Variants in RPH3A observed in about 807,000 individuals in gnomAD.
RPH3A encodes rabphilin 3A.
A neutral mutation model predicts 102.2 loss-of-function variants in RPH3A; 48 were observed. The observed-to-expected ratio is 0.47, with a 90% CI of 0.37 to 0.60. The LOEUF is 0.60. Among genes scored for constraint, RPH3A ranks in the 20% least tolerant of loss-of-function variants. The probability of loss-of-function intolerance (pLI) is 0.00; values close to 1 mark genes in which losing one functional copy is unlikely to be tolerated. For synonymous variants in RPH3A, 310 were observed against 324.3 expected, an observed-to-expected ratio of 0.96 and a Z score of 0.47; for missense variants, 781 against 910.1, an observed-to-expected ratio of 0.86 and a Z score of 1.83.
intron 1 of RPH3A, among the ~76,000 whole-genome samples, chr12:112,719,503 G>A (rs912507095): frequency 9.2e-5 from 14 of 152,152 alleles, no homozygotes; most frequent in Admixed American, 6.5e-4. Context: ...CCCAATAATA[G>A]CGTGCATTGT....
chr12:112,889,959 C>A (rs1351021070), intron 17 of RPH3A, 65 bp from the exon 18 acceptor site: 3 of 1,477,436 alleles, frequency 2.0e-6, no homozygotes, highest in Non-Finnish European at 2.8e-6. Flanking sequence ...GGTTTCTGGT[C>A]CTTCTTGCGC....
rs527393847 is a variant in RPH3A at position 112,895,947 on chromosome 12, C to A, written c.1954+74C>A. On this transcript the variant is annotated intron_variant, in intron 21 of 21. Coordinates refer to ENST00000389385, the MANE Select transcript of RPH3A (RefSeq NM_001143854.2). Reference sequence around the variant, plus strand: ...AACAGGAGAGCCTTATCCAGGGCTACAGAGAGTTGAGGTCATTGCTATTCT... The same window carrying A: ...AACAGGAGAGCCTTATCCAGGGCTAAAGAGAGTTGAGGTCATTGCTATTCT... 6.7e-5 allele frequency: 69 copies of A among 1,026,828 alleles called. 1 individual carries two copies. In the South Asian group the frequency reaches 8.1e-4, roughly 12 times the overall value. 63.6% of individuals were successfully genotyped at this position (1,026,828 alleles called of 1,614,324 possible). A position where few individuals can be genotyped will look rare whatever the true frequency, so the allele number is the denominator to read the frequency against.
At chr12:112,747,853 T>A (rs2040759541) in intron 1 of RPH3A, among the ~76,000 whole-genome samples, 1 of 152,212 alleles carries the variant, frequency 6.6e-6, no homozygotes, top group African/African-American at 2.4e-5. Context: ...GTCCTTACAG[T>A]TATTCATGGA....
At chr12:112,857,653 T>C (rs556984142) in intron 5 of RPH3A, among the ~76,000 whole-genome samples, 10 of 152,326 alleles carry the variant, frequency 6.6e-5, no homozygotes, top group Non-Finnish European at 1.3e-4. Flanking sequence ...CCTTGACCTC[T>C]AGAGCTGTTA....
intron 1 of RPH3A, among the ~76,000 whole-genome samples, chr12:112,775,717 T>A (rs1159920781): frequency 6.6e-6 from 1 of 152,088 alleles, no homozygotes; most frequent in African/African-American, 2.4e-5. Context: ...ACTTCAAATA[T>A]AGCAGTAATC....
chr12:112,750,526 G>T (rs1325458761), intron 1 of RPH3A, among the ~76,000 whole-genome samples: 1 of 152,172 alleles, frequency 6.6e-6, no homozygotes, highest in Non-Finnish European at 1.5e-5. Context: ...GTTGAAGGTT[G>T]CTCCTTAGGT....
chr12:112,662,491 A>G (rs969835049), intron 1 of RPH3A, among the ~76,000 whole-genome samples: 6 of 152,234 alleles, frequency 3.9e-5, no homozygotes, highest in Non-Finnish European at 7.3e-5. Flanking sequence ...AATGAGAAGC[A>G]GTGCTGGCTT....
chr12:112,882,319 C>A (rs1217338265), intron 15 of RPH3A, among the ~76,000 whole-genome samples: 3 of 152,164 alleles, frequency 2.0e-5, no homozygotes, highest in Non-Finnish European at 4.4e-5. Flanking sequence ...AGCTCACCGG[C>A]TGAGCATTGC....
chr12:112,825,014 G>C (rs2041843065), intron 2 of RPH3A, among the ~76,000 whole-genome samples: 1 of 151,612 alleles, frequency 6.6e-6, no homozygotes, highest in African/African-American at 2.4e-5. Flanking sequence ...TACAGTTTCA[G>C]CTTTCTAGAC....
chr12:112,688,202 A>C (rs1425983976), intron 1 of RPH3A, among the ~76,000 whole-genome samples: 1 of 152,220 alleles, frequency 6.6e-6, no homozygotes, highest in Non-Finnish European at 1.5e-5. Context: ...AAATTTTTGA[A>C]TTGAGGTCTA....
chr12:112,700,178 T>G (rs900111253), intron 1 of RPH3A, among the ~76,000 whole-genome samples: 9 of 152,054 alleles, frequency 5.9e-5, no homozygotes, highest in Non-Finnish European at 1.2e-4. Flanking sequence ...CAAGCGATTC[T>G]CCTGCCTCAG....
chr12:112,836,064 C>T (rs114296130), intron 3 of RPH3A, among the ~76,000 whole-genome samples: 12 of 152,312 alleles, frequency 7.9e-5, no homozygotes, highest in African/African-American at 2.9e-4. Flanking sequence ...AGTGGAAGAA[C>T]TTGCCTCCCC....
intron 1 of RPH3A, among the ~76,000 whole-genome samples, chr12:112,678,237 G>C (rs1288837264): frequency 3.1e-4 from 2 of 6,404 alleles, no homozygotes; most frequent in African/African-American, 1.5e-3. Flanking sequence ...CCTGTCGAAA[G>C]AAAGAAAGAA....
intron 1 of RPH3A, among the ~76,000 whole-genome samples, chr12:112,681,397 C>G (rs531620287): frequency 1.3e-5 from 2 of 152,344 alleles, no homozygotes; most frequent in East Asian, 3.9e-4. Flanking sequence ...TAATATTACT[C>G]TCCTGCCTAA....
intron 1 of RPH3A, among the ~76,000 whole-genome samples, chr12:112,637,882 T>C (rs909317132): frequency 6.6e-6 from 1 of 151,658 alleles, no homozygotes; most frequent in African/African-American, 2.4e-5. Flanking sequence ...TGTTATCTCA[T>C]GATAAGGATG....
At chr12:112,676,275 G>A (rs532699682) in intron 1 of RPH3A, among the ~76,000 whole-genome samples, 1 of 152,014 alleles carries the variant, frequency 6.6e-6, no homozygotes, top group East Asian at 1.9e-4. Context: ...TTAACAGGAT[G>A]CATACCATGC....
chr12:112,877,417 T>TACACACACACACACACAC (rs1491528958), intron 13 of RPH3A, among the ~76,000 whole-genome samples: 1 of 99,272 alleles, frequency 1.0e-5, no homozygotes, highest in Admixed American at 1.3e-4. Context: ...CACACACACG[T>TACACACACACACACACAC]ATACACACAC....
intron 1 of RPH3A, among the ~76,000 whole-genome samples, chr12:112,713,871 G>A (rs1253199747): frequency 2.0e-5 from 3 of 152,194 alleles, no homozygotes; most frequent in African/African-American, 7.2e-5. Context: ...AGAAATGAGA[G>A]AATTGAATTC....
chr12:112,597,795 TAGTCTCTATAGA>T (rs979860035), intron 1 of RPH3A, among the ~76,000 whole-genome samples: 69 of 152,228 alleles, frequency 4.5e-4, no homozygotes, highest in African/African-American at 1.6e-3. Flanking sequence ...AGAAGTCTCA[TAGTCTCTATAGA>T]AGTCTCATAT....
Sources: allele counts gnomAD v4.1 joint callset (sites outside exome capture counted in the v4.1 genomes callset), GRCh38; gene constraint gnomAD v4.1.1; transcripts MANE v1.5; gene names NCBI Gene and HGNC (gene_info 2026-07-23, HGNC 2026-07-21).